Variants in TMEM132D observed in about 807,000 individuals in gnomAD.
TMEM132D encodes transmembrane protein 132D.
TMEM132D carries 21 observed loss-of-function variants against 62.3 expected under a neutral mutation model. The ratio of observed to expected loss-of-function variants is 0.34; its 90% confidence interval spans 0.24 to 0.49. The LOEUF (loss-of-function observed/expected upper bound fraction) is 0.49. Ranked by LOEUF, TMEM132D falls within the 20% of genes least tolerant of loss-of-function variation. The probability of loss-of-function intolerance (pLI) is 0.99; values close to 1 mark genes in which losing one functional copy is unlikely to be tolerated. For missense variants in TMEM132D, 1,346 were observed against 1,402.8 expected, an observed-to-expected ratio of 0.96 and a Z score of 0.65; for synonymous variants, 621 against 575.6, an observed-to-expected ratio of 1.08 and a Z score of -1.13.
intron 1 of TMEM132D, among the ~76,000 whole-genome samples, chr12:129,732,769 C>T (rs1869291310): frequency 6.6e-6 from 1 of 152,156 alleles, no homozygotes; most frequent in South Asian, 2.1e-4. Context: ...GTGAGAAAGG[C>T]CTAACACAAA....
chr12:129,578,285 G>A (rs1398269397), intron 2 of TMEM132D, among the ~76,000 whole-genome samples: 2 of 152,016 alleles, frequency 1.3e-5, no homozygotes, highest in African/African-American at 4.8e-5. Context: ...CTTGCAAGTG[G>A]TAGATTGTGG....
At chr12:129,123,960 C>G (rs963192373) in intron 5 of TMEM132D, among the ~76,000 whole-genome samples, 1 of 152,088 alleles carries the variant, frequency 6.6e-6, no homozygotes, top group Admixed American at 6.6e-5. Context: ...TTCCAGGTCT[C>G]CAGCTGCAGA....
chr12:129,499,094 T>C (rs1048950145), intron 3 of TMEM132D, among the ~76,000 whole-genome samples: 1 of 152,136 alleles, frequency 6.6e-6, no homozygotes, highest in East Asian at 1.9e-4. Context: ...CTGGAACTAG[T>C]ATAGGAAGAG....
chr12:129,089,600 G>T lies in TMEM132D; in HGVS notation c.1444-4898C>A, dbSNP rs73159556. ...CCTGACCGGGGTGTCCTCCCTGACCGGGGTGTCCTCCCTGACGGGGGCCTT... is the reference window on the plus strand; with the variant it reads ...CCTGACCGGGGTGTCCTCCCTGACCTGGGTGTCCTCCCTGACGGGGGCCTT... On this transcript the variant is annotated intron_variant, in intron 5 of 8. Coordinates refer to ENST00000422113, the MANE Select transcript of TMEM132D (RefSeq NM_133448.3). Among the ~76,000 whole-genome samples, 2 of 75,576 alleles carry T rather than the reference G, an allele frequency of 2.6e-5. 1 individual carries two copies. Among genetic ancestry groups the T allele is most frequent in the Non-Finnish European group, 7.0e-5 (2 of 28,756 alleles). 49.6% of individuals were successfully genotyped at this position (75,576 alleles called of 152,430 possible). A position where few individuals can be genotyped will look rare whatever the true frequency, so the allele number is the denominator to read the frequency against.
chr12:129,622,002 C>G (rs948033207), intron 2 of TMEM132D, among the ~76,000 whole-genome samples: 2 of 152,182 alleles, frequency 1.3e-5, no homozygotes, highest in Non-Finnish European at 2.9e-5. Context: ...AGGTTGTGCT[C>G]CTCTCTGGAG....
At chr12:129,547,516 A>AT (rs1377244091) in intron 2 of TMEM132D, among the ~76,000 whole-genome samples, 1 of 152,146 alleles carries the variant, frequency 6.6e-6, no homozygotes, top group Non-Finnish European at 1.5e-5. Context: ...GGTACAAGGG[A>AT]TGAGGGCATT....
At chr12:129,309,570 T>A (rs560504952) in intron 4 of TMEM132D, among the ~76,000 whole-genome samples, 166 of 152,290 alleles carry the variant, frequency 1.1e-3, no homozygotes, top group Admixed American at 2.2e-3. Flanking sequence ...CAGTCCCATC[T>A]CACCAGAACC....
chr12:129,430,801 G>C (rs1566066280), intron 3 of TMEM132D, among the ~76,000 whole-genome samples: 3 of 152,300 alleles, frequency 2.0e-5, no homozygotes, highest in South Asian at 2.1e-4. Flanking sequence ...TGCAGTCGAT[G>C]GGATGGAGGC....
rs535046836 is a variant in TMEM132D, at chr12:129,174,097, C to T, written c.1443+35423G>A. ...TAGGGCATCTGAAATAACGATGCCC[C>T]GCTTTTCTTTATTTTATTTTACCTT... On this transcript the variant is annotated intron_variant, in intron 5 of 8. Coordinates refer to ENST00000422113, the MANE Select transcript of TMEM132D (RefSeq NM_133448.3). Among the ~76,000 whole-genome samples the T allele has an allele frequency of 3.3e-5, 5 of 152,064 alleles. No individual in the cohort carries two copies. In the South Asian group the frequency reaches 1.0e-3, roughly 32 times the overall value.
intron 5 of TMEM132D, among the ~76,000 whole-genome samples, chr12:129,165,920 G>C (rs138288263): frequency 7.2e-5 from 11 of 152,192 alleles, no homozygotes; most frequent in South Asian, 2.1e-4. Flanking sequence ...GGCTATTCAC[G>C]TGACGCTGAC....
At chr12:129,858,400 A>G (rs866180225) in intron 1 of TMEM132D, among the ~76,000 whole-genome samples, 17 of 364 alleles carry the variant, frequency 0.047, no homozygotes, top group Admixed American at 0.12. Context: ...GGGTGCCCTT[A>G]TAACAGAGTC....
chr12:129,375,459 A>T (rs1193705237), intron 3 of TMEM132D, among the ~76,000 whole-genome samples: 10 of 152,176 alleles, frequency 6.6e-5, no homozygotes, highest in Admixed American at 4.6e-4. Context: ...GTTTGACTTA[A>T]TTGGTCTGGG....
intron 1 of TMEM132D, among the ~76,000 whole-genome samples, chr12:129,898,494 T>C (rs1385001287): frequency 6.6e-6 from 1 of 152,204 alleles, no homozygotes; most frequent in Non-Finnish European, 1.5e-5. Flanking sequence ...GTTACTTTAT[T>C]TGGAAATGTT....
At chr12:129,498,662 C>T (rs1875036856) in intron 3 of TMEM132D, among the ~76,000 whole-genome samples, 1 of 152,182 alleles carries the variant, frequency 6.6e-6, no homozygotes, top group African/African-American at 2.4e-5. Context: ...TGCGTCAAAT[C>T]CAAATACACT....
At chr12:129,117,873 A>T (rs913432414) in intron 5 of TMEM132D, among the ~76,000 whole-genome samples, 1 of 152,170 alleles carries the variant, frequency 6.6e-6, no homozygotes, top group Admixed American at 6.5e-5. Flanking sequence ...TCCATTGTTA[A>T]TTACTATTTG....
intron 2 of TMEM132D, among the ~76,000 whole-genome samples, chr12:129,630,106 T>G (rs889688808): frequency 2.0e-5 from 3 of 152,208 alleles, no homozygotes; most frequent in African/African-American, 4.8e-5. Flanking sequence ...GACCTCCACA[T>G]GTAGATTTTC....
chr12:129,820,607 G>T (rs907927664), intron 1 of TMEM132D, among the ~76,000 whole-genome samples: 1 of 152,148 alleles, frequency 6.6e-6, no homozygotes, highest in Non-Finnish European at 1.5e-5. Flanking sequence ...AAAACTTTCA[G>T]CAGCCTTTTG....
intron 1 of TMEM132D, among the ~76,000 whole-genome samples, chr12:129,741,734 CTT>C (rs1250280103): frequency 6.6e-6 from 1 of 152,170 alleles, no homozygotes; most frequent in Non-Finnish European, 1.5e-5. Flanking sequence ...GGAAATAAGA[CTT>C]TAAGTCCTAT....
chr12:129,288,070 C>A (rs556622363), intron 4 of TMEM132D, among the ~76,000 whole-genome samples: 1 of 152,266 alleles, frequency 6.6e-6, no homozygotes, highest in African/African-American at 2.4e-5. Flanking sequence ...ACCTGGATAT[C>A]CACATGTAAA....
Sources: allele counts gnomAD v4.1 joint callset (sites outside exome capture counted in the v4.1 genomes callset), GRCh38; gene constraint gnomAD v4.1.1; transcripts MANE v1.5; gene names NCBI Gene and HGNC (gene_info 2026-07-23, HGNC 2026-07-21).